The following TTC21B variants were observed in gnomAD, a reference collection of about 807,000 sequenced individuals.
TTC21B encodes tetratricopeptide repeat protein 21B.
A neutral mutation model predicts 175.1 loss-of-function variants in TTC21B; 127 were observed. The ratio of observed to expected loss-of-function variants is 0.73; its 90% CI spans 0.63 to 0.84. TTC21B has a LOEUF of 0.84. TTC21B is among the 40% of genes least tolerant of loss of function. The pLI is 0.00. For missense variants in TTC21B, 1,561 were observed against 1,558.3 expected, an observed-to-expected ratio of 1.00 and a Z score of -0.03; for synonymous variants, 524 against 524.5, an observed-to-expected ratio of 1.00 and a Z score of 0.01.
chr2:165,931,265 T>C (rs1686896341), intron 8 of TTC21B, among the ~76,000 whole-genome samples: 1 of 152,136 alleles, frequency 6.6e-6, no homozygotes, highest in Non-Finnish European at 1.5e-5. Context: ...ATTCCTTGTA[T>C]TGATTTTGAG....
In TTC21B at chr2:165,911,480, T is replaced by C. The variant is rs778897216; in HGVS notation, c.2323-15A>G. The stretch of plus-strand genomic sequence containing the variant: ...TAAGTGATTGCCTAAACAAAATTCA[T>C]TCCATTTAAGGGAACAAGGCAATGA... On this transcript the variant is annotated splice_polypyrimidine_tract_variant and intron_variant, in intron 17 of 28. Coordinates refer to ENST00000243344, the MANE Select transcript of TTC21B (RefSeq NM_024753.5). The C allele has an allele frequency of 8.7e-6, 14 of 1,613,556 alleles. No homozygotes were observed. The highest frequency in any genetic ancestry group is 1.2e-5 in the Non-Finnish European group (14 of 1,179,742).
intron 6 of TTC21B, among the ~76,000 whole-genome samples, chr2:165,940,246 G>A (rs1422771630): frequency 6.6e-6 from 1 of 152,114 alleles, no homozygotes. Flanking sequence ...CTTTCAAAAG[G>A]TTCTCCCTGC....
chr2:165,914,680 T>TGTGTGTGCGCGCGCGCGC (rs1553511369), intron 15 of TTC21B, among the ~76,000 whole-genome samples: 2 of 144,164 alleles, frequency 1.4e-5, no homozygotes, highest in African/African-American at 5.5e-5. Context: ...TGTGTGTGTG[T>TGTGTGTGCGCGCGCGCGC]GTGTGTGTGT....
At chr2:165,925,629 A>C (rs753694484) in intron 11 of TTC21B, among the ~76,000 whole-genome samples, 13 of 152,198 alleles carry the variant, frequency 8.5e-5, no homozygotes, top group Non-Finnish European at 1.3e-4. Flanking sequence ...TCAAAAAGAT[A>C]ATCAGAATAT....
At chr2:165,945,719 A>C in intron 3 of TTC21B, 29 bp from the exon 4 acceptor site, 1 of 1,605,484 alleles carries the variant, frequency 6.2e-7, no homozygotes, top group South Asian at 1.1e-5. Flanking sequence ...ATTAAATAAA[A>C]ATTAAATTCT....
At chr2:165,878,649 C>T (rs1393992247) in intron 27 of TTC21B, among the ~76,000 whole-genome samples, 2 of 151,342 alleles carry the variant, frequency 1.3e-5, no homozygotes, top group East Asian at 3.9e-4. Flanking sequence ...CAATATTCAA[C>T]CCTGAATTCT....
chr2:165,907,803 T>G lies in TTC21B; in HGVS notation c.2462-19A>C, dbSNP rs146509360. 1.9e-3 allele frequency: 2,918 copies of G among 1,504,278 alleles called. 48 individuals are homozygous for G. The African/African-American group carries it at 0.036, about 19-fold the overall frequency. 93.2% of individuals were successfully genotyped at this position (1,504,278 alleles called of 1,614,324 possible). On this transcript the variant is annotated intron_variant, in intron 18 of 28. Coordinates refer to ENST00000243344, the MANE Select transcript of TTC21B (RefSeq NM_024753.5). ...TCATTTACTATGAAAGAATGGAATG[T>G]AATGCAAAAAATTATTCATCTTAAA...
chr2:165,921,743 T>TA (rs1397120431), intron 12 of TTC21B, among the ~76,000 whole-genome samples: 1 of 151,672 alleles, frequency 6.6e-6, no homozygotes, highest in Non-Finnish European at 1.5e-5. Flanking sequence ...CACTACTACT[T>TA]AGACACATGC....
At chr2:165,916,139 G>A (rs1686165393) in intron 14 of TTC21B, among the ~76,000 whole-genome samples, 1 of 152,082 alleles carries the variant, frequency 6.6e-6, no homozygotes, top group African/African-American at 2.4e-5. Flanking sequence ...AACTAGCTGG[G>A]CATGGCCCAG....
At chr2:165,919,214 T>C in intron 13 of TTC21B, 62 bp downstream of exon 13, 1 of 1,583,416 alleles carries the variant, frequency 6.3e-7, no homozygotes. Flanking sequence ...CACAAAATAC[T>C]TGAATATGTA....
intron 22 of TTC21B, among the ~76,000 whole-genome samples, chr2:165,893,851 T>C (rs2105295590): frequency 6.6e-6 from 1 of 151,918 alleles, no homozygotes; most frequent in East Asian, 2.0e-4. Context: ...GAGAACAGTG[T>C]GGGGAGTGTT....
intron 4 of TTC21B, among the ~76,000 whole-genome samples, chr2:165,944,105 T>C (rs775463971): frequency 1.2e-4 from 19 of 152,168 alleles, no homozygotes; most frequent in Non-Finnish European, 2.6e-4. Context: ...TAACCAATGC[T>C]ATGTGCTAAA....
chr2:165,938,363 C>T (rs79551302), intron 6 of TTC21B, among the ~76,000 whole-genome samples: 10,362 of 152,020 alleles, frequency 0.068, 789 homozygotes, highest in African/African-American at 0.18. Flanking sequence ...AATTCAAATG[C>T]AACCCTACTA....
At chr2:165,883,772 T>G in intron 26 of TTC21B, 22 bp downstream of exon 26, 1 of 1,580,808 alleles carries the variant, frequency 6.3e-7, no homozygotes, top group Non-Finnish European at 8.7e-7. Flanking sequence ...CAATAATTAT[T>G]TTTTACTCTT....
chr2:165,929,069 C>G (rs1431998660), intron 11 of TTC21B, 66 bp downstream of exon 11: 2 of 1,474,678 alleles, frequency 1.4e-6, no homozygotes, highest in East Asian at 4.6e-5. Flanking sequence ...TCAAAGAAAA[C>G]TTTTAAGTTC....
At chr2:165,903,495 T>C (rs1437491649) in intron 19 of TTC21B, among the ~76,000 whole-genome samples, 1 of 152,096 alleles carries the variant, frequency 6.6e-6, no homozygotes, top group Non-Finnish European at 1.5e-5. Context: ...CAGGATCAGG[T>C]TGCCTTTGGG....
Position 165,928,134 on chromosome 2 carries a change from G to T in TTC21B, c.1386+1001C>A, listed in dbSNP as rs575004502. On this transcript the variant is annotated intron_variant, in intron 11 of 28. Transcript: ENST00000243344. ...TTAATGCTTGGAAAAGAACATTATA[G>T]TAATAGTTATCTCAGAGCTAGATAA... Among the ~76,000 whole-genome samples, 3 of 152,218 alleles carry T rather than the reference G, an allele frequency of 2.0e-5. No individual in the cohort carries two copies. The East Asian group carries it at 5.8e-4, about 29-fold the overall frequency.
At position 165,888,293 on chromosome 2, in the gene TTC21B, T is replaced by C. The variant is rs752563437; in HGVS notation, c.3445A>G (p.Ile1149Val). Residue 1149 changes from isoleucine to valine, a missense_variant, in exon 25 of 29, where the codon ATA becomes GTA. Ile to Val is a conservative substitution (Grantham distance 29, BLOSUM62 3). Coordinates refer to ENST00000243344, the MANE Select transcript of TTC21B (RefSeq NM_024753.5). ...VEQALNTFTE[I>V]AASEKEHIPA... ...AATCCACTAACCTCAGATGCTGCTA[T>C]TTCAGTGAAGGTATTTAATGCTTGT... The C allele has an allele frequency of 1.2e-6, 2 of 1,613,316 alleles. No homozygotes were observed. The highest frequency in any genetic ancestry group is 1.7e-6 in the Non-Finnish European group (2 of 1,179,290).
intron 12 of TTC21B, among the ~76,000 whole-genome samples, chr2:165,924,187 T>C (rs1038814378): frequency 6.6e-6 from 1 of 152,218 alleles, no homozygotes; most frequent in African/African-American, 2.4e-5. Flanking sequence ...TCAGTACTTT[T>C]CATTAGGGCC....
Sources: allele counts gnomAD v4.1 joint callset (sites outside exome capture counted in the v4.1 genomes callset), GRCh38; gene constraint gnomAD v4.1.1; transcripts MANE v1.5; gene names NCBI Gene and HGNC (gene_info 2026-07-23, HGNC 2026-07-21).